PPP2R5E: variants seen among roughly 807,000 people sequenced by gnomAD.
PPP2R5E encodes serine/threonine-protein phosphatase 2A 56 kDa regulatory subunit epsilon isoform.
A neutral mutation model predicts 65.3 loss-of-function variants in PPP2R5E; 4 were observed. The ratio of observed to expected loss-of-function variants is 0.06; its 90% confidence interval spans 0.03 to 0.14. PPP2R5E has a LOEUF of 0.14. Among genes scored for constraint, PPP2R5E ranks in the 10% least tolerant of loss-of-function variants. The pLI, the probability that PPP2R5E is intolerant of heterozygous loss-of-function variation, is 1.00. For synonymous variants in PPP2R5E, 183 were observed against 187.4 expected (o/e 0.98, Z 0.19); for missense variants, 274 against 556.1 (o/e 0.49, Z 5.10).
chr14:63,458,107 C>A (rs1477042914), intron 2 of PPP2R5E, among the ~76,000 whole-genome samples: 3 of 152,160 alleles, frequency 2.0e-5, no homozygotes, highest in Non-Finnish European at 4.4e-5. Context: ...ACGAGTGTGA[C>A]ATGCAATGGG....
At chr14:63,486,688 C>G (rs1891016234) in intron 2 of PPP2R5E, among the ~76,000 whole-genome samples, 1 of 152,076 alleles carries the variant, frequency 6.6e-6, no homozygotes, top group Non-Finnish European at 1.5e-5. Context: ...CCTCCTTTTT[C>G]CCCACCATCC....
chr14:63,543,135 CCGG>C lies in PPP2R5E; in HGVS notation c.-367_-365del. ...GGCGCCTCAGCTCGTTGCCCCGGAC[CCGG>C]CGGCGGCGGCGACGACGTGGGGAGG... is the stretch of plus-strand genomic sequence containing the variant. On this transcript the variant is annotated 5_prime_UTR_variant, in exon 1 of 14. Transcript: ENST00000337537. The C allele has an allele frequency of 5.8e-5, 9 of 154,224 alleles. No homozygotes were observed. Among genetic ancestry groups the C allele is most frequent in the Non-Finnish European group, 1.3e-4 (9 of 69,694 alleles). The allele number at this position is 154,224 out of a possible 1,614,324, so 9.6% of individuals were successfully genotyped here.
At chr14:63,503,398 T>G (rs904555627) in intron 2 of PPP2R5E, among the ~76,000 whole-genome samples, 3 of 152,156 alleles carry the variant, frequency 2.0e-5, no homozygotes, top group Non-Finnish European at 2.9e-5. Flanking sequence ...ACTATGACAC[T>G]GCCAAAGCAA....
At chr14:63,435,003 G>T (rs1405982436) in intron 3 of PPP2R5E, among the ~76,000 whole-genome samples, 2 of 152,050 alleles carry the variant, frequency 1.3e-5, no homozygotes, top group Admixed American at 1.3e-4. Flanking sequence ...GCTTTTAAAA[G>T]ATTATTTAAT....
At chr14:63,462,073 A>ATTTTTTT (rs10717359) in intron 2 of PPP2R5E, among the ~76,000 whole-genome samples, 6 of 144,660 alleles carry the variant, frequency 4.1e-5, no homozygotes, top group African/African-American at 7.5e-5. Context: ...TTTCAACTGT[A>ATTTTTTT]TTTTTTTTTT....
chr14:63,504,874 T>C (rs1389479494), intron 2 of PPP2R5E, among the ~76,000 whole-genome samples: 1 of 152,164 alleles, frequency 6.6e-6, no homozygotes, highest in Admixed American at 6.5e-5. Context: ...CCTAATGCAA[T>C]GTTTGCTGAA....
At chr14:63,446,904 A>C (rs10139725) in intron 3 of PPP2R5E, among the ~76,000 whole-genome samples, 49,666 of 151,156 alleles carry the variant, frequency 0.33, 10,867 homozygotes, top group African/African-American at 0.62. Context: ...CTTGGGTAAC[A>C]AGGTGGATAG....
chr14:63,451,005 A>T (rs1412735035), intron 3 of PPP2R5E, among the ~76,000 whole-genome samples: 9 of 152,352 alleles, frequency 5.9e-5, no homozygotes, highest in Admixed American at 3.3e-4. Context: ...TCAATACCAA[A>T]TGCTGGTGAG....
At chr14:63,535,927 TA>T (rs1445274351) in intron 2 of PPP2R5E, among the ~76,000 whole-genome samples, 4 of 152,254 alleles carry the variant, frequency 2.6e-5, no homozygotes, top group Admixed American at 6.5e-5. Flanking sequence ...TTATATTCCA[TA>T]AATTACTTCC....
At chr14:63,508,327 A>C in intron 2 of PPP2R5E, 28 of 526,658 alleles carry the variant, frequency 5.3e-5, no homozygotes, top group South Asian at 1.6e-4. Context: ...TGTCACTCTC[A>C]CAAAACAACT....
At chr14:63,509,002 G>C (rs1454294127) in intron 2 of PPP2R5E, among the ~76,000 whole-genome samples, 1 of 152,124 alleles carries the variant, frequency 6.6e-6, no homozygotes, top group Non-Finnish European at 1.5e-5. Context: ...AACATCTTCA[G>C]GTCCATTAAT....
At chr14:63,530,475 T>G (rs938719174) in intron 2 of PPP2R5E, among the ~76,000 whole-genome samples, 2 of 151,654 alleles carry the variant, frequency 1.3e-5, no homozygotes, top group East Asian at 1.9e-4. Flanking sequence ...TCAGGTGATC[T>G]GCCCGCCTTG....
At chr14:63,506,400 G>A (rs975019175) in intron 2 of PPP2R5E, among the ~76,000 whole-genome samples, 45 of 152,188 alleles carry the variant, frequency 3.0e-4, no homozygotes, top group African/African-American at 1.0e-3. Context: ...GCAGTGAGCC[G>A]AGACTGCGCC....
intron 2 of PPP2R5E, among the ~76,000 whole-genome samples, chr14:63,526,373 A>C (rs180906442): frequency 6.6e-6 from 1 of 152,070 alleles, no homozygotes; most frequent in Non-Finnish European, 1.5e-5. Flanking sequence ...AAACATCTCT[A>C]TGTTTGTATA....
intron 5 of PPP2R5E, among the ~76,000 whole-genome samples, chr14:63,406,870 T>A (rs1886121161): frequency 6.6e-6 from 1 of 152,174 alleles, no homozygotes; most frequent in Non-Finnish European, 1.5e-5. Context: ...TACCAATGAT[T>A]TTTAGAATAA....
intron 13 of PPP2R5E, among the ~76,000 whole-genome samples, chr14:63,380,081 G>A (rs566061557): frequency 5.9e-4 from 89 of 151,622 alleles, no homozygotes; most frequent in Non-Finnish European, 9.1e-4. Context: ...TGACCCGCCC[G>A]CCTCAGCCTC....
At chr14:63,442,819 G>A (rs955322371) in intron 3 of PPP2R5E, among the ~76,000 whole-genome samples, 17 of 152,150 alleles carry the variant, frequency 1.1e-4, no homozygotes, top group African/African-American at 2.4e-5. Flanking sequence ...ATGGTTAAGG[G>A]GGGACTATCA....
Position 63,393,851 on chromosome 14 carries a change from G to C in PPP2R5E, c.818C>G (p.Thr273Ser). ...FLVKVLIPLH[T>S]VRSLSLFHAQ... Reference sequence around the variant, plus strand: ...ATGGAAGAGTGATAAGCTCCTGACAGTGTGTAAAGGGATCAATACTTTCAC... The same window carrying C: ...ATGGAAGAGTGATAAGCTCCTGACACTGTGTAAAGGGATCAATACTTTCAC... The change falls in exon 8 of 14, where the codon ACT becomes AGT. Residue 273 changes from threonine to serine, a missense_variant. Coordinates refer to ENST00000337537, the MANE Select transcript of PPP2R5E (RefSeq NM_006246.5). 6.2e-7 allele frequency: 1 copy of C among 1,608,328 alleles called. No individual in the cohort carries two copies. Among genetic ancestry groups the C allele is most frequent in the Non-Finnish European group, 8.5e-7 (1 of 1,174,894 alleles).
chr14:63,399,147 T>G (rs370628438), intron 5 of PPP2R5E, among the ~76,000 whole-genome samples: 7 of 152,198 alleles, frequency 4.6e-5, no homozygotes, highest in African/African-American at 1.7e-4. Context: ...CAAAATGGGA[T>G]GCCATGGAAT....
Sources: allele counts gnomAD v4.1 joint callset (sites outside exome capture counted in the v4.1 genomes callset), GRCh38; gene constraint gnomAD v4.1.1; transcripts MANE v1.5; gene names NCBI Gene and HGNC (gene_info 2026-07-23, HGNC 2026-07-21).